Variants in MRPL1 observed in about 807,000 individuals in gnomAD.
MRPL1 encodes the protein large ribosomal subunit protein uL1m.
Under a neutral mutation model 38.0 loss-of-function variants are expected in MRPL1, and 28 were observed. The observed-to-expected ratio is 0.74, with a 90% CI of 0.55 to 1.01. The LOEUF (loss-of-function observed/expected upper bound fraction) is 1.01. MRPL1 is among the 50% of genes least tolerant of loss of function. The pLI is 0.00. For synonymous variants in MRPL1, 123 were observed against 126.7 expected (o/e 0.97, Z 0.20); for missense variants, 358 against 389.8 (o/e 0.92, Z 0.69).
intron 7 of MRPL1, among the ~76,000 whole-genome samples, chr4:77,938,713 A>G (rs1361728909): frequency 6.6e-6 from 1 of 152,168 alleles, no homozygotes; most frequent in East Asian, 1.9e-4. Context: ...GTTAACCCTT[A>G]GTTGTAGCAA....
chr4:77,883,949 A>G (rs962019657), intron 3 of MRPL1, among the ~76,000 whole-genome samples: 1 of 152,196 alleles, frequency 6.6e-6, no homozygotes, highest in Non-Finnish European at 1.5e-5. Flanking sequence ...TTTAGCATGA[A>G]AAATATGTTT....
chr4:77,932,125 C>G (rs937936271), intron 7 of MRPL1, among the ~76,000 whole-genome samples: 1 of 152,198 alleles, frequency 6.6e-6, no homozygotes, highest in Non-Finnish European at 1.5e-5. Context: ...TCAGCCTGCT[C>G]AAGAAACTCA....
At chr4:77,902,424 G>T (rs1288890473) in intron 6 of MRPL1, among the ~76,000 whole-genome samples, 1 of 148,964 alleles carries the variant, frequency 6.7e-6, no homozygotes, top group African/African-American at 2.5e-5. Context: ...GAAAAGAATG[G>T]GTTAAAATCA....
chr4:77,864,297 C>T (rs577427542), intron 1 of MRPL1, among the ~76,000 whole-genome samples: 75 of 152,096 alleles, frequency 4.9e-4, no homozygotes, highest in Admixed American at 1.2e-3. Flanking sequence ...TTTCATGTGT[C>T]ATTTTTTCTC....
At chr4:77,907,115 G>A in intron 6 of MRPL1, 8 of 985,248 alleles carry the variant, frequency 8.1e-6, no homozygotes, top group Non-Finnish European at 9.6e-6. Flanking sequence ...GCTTGAGCAT[G>A]GTGGGAGTGA....
At chr4:77,869,607 G>T (rs1578036293) in intron 1 of MRPL1, among the ~76,000 whole-genome samples, 1 of 145,320 alleles carries the variant, frequency 6.9e-6, no homozygotes. Flanking sequence ...TTGTTTGTTT[G>T]TTTTTGAGAC....
At chr4:77,918,099 G>C (rs182876808) in intron 7 of MRPL1, among the ~76,000 whole-genome samples, 96 of 150,920 alleles carry the variant, frequency 6.4e-4, no homozygotes, top group African/African-American at 1.9e-3. Flanking sequence ...ACATGATATA[G>C]AAGTTACAGA....
At chr4:77,915,708 C>T (rs772943152) in intron 7 of MRPL1, among the ~76,000 whole-genome samples, 5 of 152,152 alleles carry the variant, frequency 3.3e-5, no homozygotes, top group Non-Finnish European at 5.9e-5. Flanking sequence ...GCCACTGCCC[C>T]GGCCTTAGTT....
intron 1 of MRPL1, among the ~76,000 whole-genome samples, chr4:77,866,535 C>G (rs1735146408): frequency 6.6e-6 from 1 of 151,986 alleles, no homozygotes; most frequent in African/African-American, 2.4e-5. Flanking sequence ...TTGTGCCTAC[C>G]TTCTCCTACC....
intron 4 of MRPL1, among the ~76,000 whole-genome samples, chr4:77,886,748 T>C (rs1316085605): frequency 2.0e-5 from 3 of 151,304 alleles, no homozygotes; most frequent in Non-Finnish European, 4.4e-5. Flanking sequence ...GCCAAAATGT[T>C]GGGATTACAG....
chr4:77,918,053 CAA>C (rs774178945), intron 7 of MRPL1, among the ~76,000 whole-genome samples: 18 of 82,304 alleles, frequency 2.2e-4, no homozygotes, highest in Middle Eastern at 6.0e-3. Flanking sequence ...GACTTCATCT[CAA>C]AAAAAAAAAA....
At chr4:77,874,053 C>T (rs547154217) in intron 2 of MRPL1, among the ~76,000 whole-genome samples, 10 of 150,276 alleles carry the variant, frequency 6.7e-5, no homozygotes, top group South Asian at 4.2e-4. Flanking sequence ...GGCTGGAGCG[C>T]GGTGCTGCGA....
chr4:77,925,065 C>G (rs1296363993), intron 7 of MRPL1, among the ~76,000 whole-genome samples: 1 of 152,136 alleles, frequency 6.6e-6, no homozygotes, highest in East Asian at 1.9e-4. Flanking sequence ...GTCACATTTG[C>G]TTACAAAAAC....
At chr4:77,875,421 G>A (rs1460188729) in intron 2 of MRPL1, among the ~76,000 whole-genome samples, 2 of 151,824 alleles carry the variant, frequency 1.3e-5, no homozygotes, top group African/African-American at 4.8e-5. Context: ...CACTTTGGGA[G>A]GCCAAGGTGG....
chr4:77,882,566 A>G (rs552598955), intron 2 of MRPL1, among the ~76,000 whole-genome samples: 1 of 152,218 alleles, frequency 6.6e-6, no homozygotes. Flanking sequence ...GATATTTGGT[A>G]TAAATGGAAT....
At chr4:77,951,955 A>G (rs1737421305) in intron 8 of MRPL1, among the ~76,000 whole-genome samples, 2 of 152,232 alleles carry the variant, frequency 1.3e-5, no homozygotes, top group Non-Finnish European at 2.9e-5. Context: ...ATGAATACAA[A>G]CTATTGTAAA....
rs1736886060 is a variant in MRPL1 at position 77,933,162 on chromosome 4, C to T, written c.778-16635C>T. The stretch of plus-strand genomic sequence containing the variant: ...AGTCTTGCTATGTTGCTCAGGCTGG[C>T]CTCGAACTCCTGTTCTCAAGTGATC... On this transcript the variant is annotated intron_variant, in intron 7 of 8. Transcript: ENST00000315567. Among the ~76,000 whole-genome samples, 3 of 152,194 alleles carry T rather than the reference C, an allele frequency of 2.0e-5. No homozygotes were observed. In the East Asian group the frequency reaches 5.8e-4, roughly 29 times the overall value.
intron 7 of MRPL1, 26 bp downstream of exon 7, chr4:77,909,398 T>G (rs1172579784): frequency 7.7e-7 from 1 of 1,303,028 alleles, no homozygotes; most frequent in East Asian, 2.3e-5. Flanking sequence ...AATTATCAAA[T>G]AATCCTCTTT....
chr4:77,913,058 A>G (rs546156081), intron 7 of MRPL1, among the ~76,000 whole-genome samples: 1 of 152,284 alleles, frequency 6.6e-6, no homozygotes, highest in South Asian at 2.1e-4. Context: ...AATGAATCAA[A>G]GACCTAAATG....
Sources: allele counts gnomAD v4.1 joint callset (sites outside exome capture counted in the v4.1 genomes callset), GRCh38; gene constraint gnomAD v4.1.1; transcripts MANE v1.5; gene names NCBI Gene and HGNC (gene_info 2026-07-23, HGNC 2026-07-21).